The following MYO1B variants were observed in gnomAD, a reference collection of about 807,000 sequenced individuals.
The protein encoded by MYO1B is myosin IB.
A neutral mutation model predicts 159.7 loss-of-function variants in MYO1B; 72 were observed. That is an observed-to-expected ratio of 0.45 (90% CI 0.37 to 0.55). The LOEUF is 0.55. Among genes scored for constraint, MYO1B ranks in the 20% least tolerant of loss-of-function variants. MYO1B has a pLI of 0.00. For synonymous variants in MYO1B, 468 were observed against 473.8 expected (o/e 0.99, Z 0.16); for missense variants, 1,062 against 1,364.8 (o/e 0.78, Z 3.50).
intron 3 of MYO1B, among the ~76,000 whole-genome samples, chr2:191,321,230 A>G (rs959879804): frequency 2.6e-5 from 4 of 152,190 alleles, no homozygotes; most frequent in Admixed American, 2.0e-4. Flanking sequence ...ATTCTTTTTA[A>G]TAAGTGCAAC....
At chr2:191,397,724 G>T (rs1207943499) in intron 21 of MYO1B, among the ~76,000 whole-genome samples, 6 of 145,404 alleles carry the variant, frequency 4.1e-5, no homozygotes, top group African/African-American at 1.3e-4. Context: ...TCCCAGACGG[G>T]GTCGTGGCCG....
At chr2:191,252,863 A>G (rs1331234689) in intron 1 of MYO1B, among the ~76,000 whole-genome samples, 2 of 152,154 alleles carry the variant, frequency 1.3e-5, no homozygotes, top group Admixed American at 1.3e-4. Flanking sequence ...TTTGGATTCT[A>G]GAGCATCACC....
Position 191,260,254 on chromosome 2 carries a change from CT to C in MYO1B, c.-10+14641del, listed in dbSNP as rs57237733. Reference sequence around the variant, plus strand: ...TAATATTACTTTTTTCCCAGATAGGCTTTTTTTTTTTTTGAATTAAAGCTAT... The same window carrying C: ...TAATATTACTTTTTTCCCAGATAGGCTTTTTTTTTTTTGAATTAAAGCTAT... On this transcript the variant is annotated intron_variant, in intron 1 of 30. Coordinates refer to ENST00000392318, the MANE Select transcript of MYO1B (RefSeq NM_001130158.3). Among the ~76,000 whole-genome samples, 65 of 60,976 alleles carry C rather than the reference CT, an allele frequency of 1.1e-3. 9 individuals are homozygous for C. Among genetic ancestry groups the C allele is most frequent in the East Asian group, 7.5e-3 (9 of 1,200 alleles). The allele number at this position is 60,976 out of a possible 152,430, so 40.0% of individuals were successfully genotyped here.
intron 2 of MYO1B, among the ~76,000 whole-genome samples, chr2:191,277,390 T>A (rs1257072734): frequency 6.6e-6 from 1 of 152,212 alleles, no homozygotes; most frequent in Non-Finnish European, 1.5e-5. Context: ...AAGCTACTCA[T>A]TGAAATGCAA....
At chr2:191,344,829 CAAAAAAA>C (rs10646926) in intron 5 of MYO1B, among the ~76,000 whole-genome samples, 19 of 56,158 alleles carry the variant, frequency 3.4e-4, no homozygotes, top group East Asian at 3.1e-3. Context: ...GACTCCGTCT[CAAAAAAA>C]AAAAAAAAAA....
intron 30 of MYO1B, among the ~76,000 whole-genome samples, chr2:191,417,394 G>A (rs1384911462): frequency 6.6e-6 from 1 of 152,192 alleles, no homozygotes; most frequent in African/African-American, 2.4e-5. Flanking sequence ...GTGTGTTTCA[G>A]TTAAGGATTT....
At chr2:191,333,689 C>A (rs918124590) in intron 4 of MYO1B, among the ~76,000 whole-genome samples, 18 of 151,740 alleles carry the variant, frequency 1.2e-4, no homozygotes, top group Non-Finnish European at 2.4e-4. Context: ...TTGTTCAAAT[C>A]TCTCTCTCTC....
intron 3 of MYO1B, among the ~76,000 whole-genome samples, chr2:191,312,449 A>G (rs536951881): frequency 6.6e-6 from 1 of 152,374 alleles, no homozygotes; most frequent in Admixed American, 6.5e-5. Context: ...CATATGGTCC[A>G]TATTGTGCAT....
chr2:191,381,388 G>C, intron 13 of MYO1B, 74 bp from the exon 14 acceptor site: 1 of 1,024,578 alleles, frequency 9.8e-7, no homozygotes, highest in Non-Finnish European at 1.5e-6. Flanking sequence ...CATGGATTGA[G>C]ATGTCTGAGT....
In MYO1B at chr2:191,256,153, T is replaced by A. The variant is rs537275099; in HGVS notation, c.-10+10527T>A. Among the ~76,000 whole-genome samples the A allele has an allele frequency of 3.3e-5, 5 of 152,156 alleles. No individual in the cohort carries two copies. The South Asian group carries it at 1.0e-3, about 32-fold the overall frequency. On this transcript the variant is annotated intron_variant, in intron 1 of 30. Transcript: ENST00000392318. ...TGGGGCAGGCATGACTGAGCTTAGT[T>A]GAGATAAGTCCTCTGTATAGTGAAA...
chr2:191,356,150 T>G (rs1005789345), intron 7 of MYO1B, among the ~76,000 whole-genome samples: 22 of 152,166 alleles, frequency 1.4e-4, no homozygotes, highest in African/African-American at 4.3e-4. Flanking sequence ...TAAAGGAATC[T>G]CTGATCAGTT....
At chr2:191,382,607 G>C (rs12470273) in intron 14 of MYO1B, among the ~76,000 whole-genome samples, 124,244 of 152,186 alleles carry the variant, frequency 0.82, 54,567 homozygotes, top group Non-Finnish European at 0.98. Context: ...TAGGAAGATT[G>C]CTAGCTTGCT....
At chr2:191,267,790 A>G (rs1687228739) in intron 1 of MYO1B, among the ~76,000 whole-genome samples, 1 of 152,138 alleles carries the variant, frequency 6.6e-6, no homozygotes, top group Non-Finnish European at 1.5e-5. Flanking sequence ...GTTGGTAAAT[A>G]CTAAGGAAGT....
intron 29 of MYO1B, among the ~76,000 whole-genome samples, chr2:191,415,853 T>C (rs910501900): frequency 2.0e-5 from 3 of 152,206 alleles, no homozygotes; most frequent in African/African-American, 7.2e-5. Context: ...GAGATTCTGC[T>C]TTTCTAGCAA....
chr2:191,357,704 C>T (rs923020587), intron 7 of MYO1B, among the ~76,000 whole-genome samples: 2 of 152,140 alleles, frequency 1.3e-5, no homozygotes, highest in Admixed American at 1.3e-4. Flanking sequence ...TTCAGGGGCA[C>T]ATTTAAGTAA....
Sources: allele counts gnomAD v4.1 joint callset (sites outside exome capture counted in the v4.1 genomes callset), GRCh38; gene constraint gnomAD v4.1.1; transcripts MANE v1.5; gene names NCBI Gene and HGNC (gene_info 2026-07-23, HGNC 2026-07-21).